The following CNOT10 variants were observed in gnomAD, a reference collection of about 807,000 sequenced individuals.
CNOT10 encodes the protein CCR4-NOT transcription complex, subunit 10.
In CNOT10, 30 loss-of-function variants were observed where a neutral mutation model predicts 94.6. The ratio of observed to expected loss-of-function variants is 0.32; its 90% CI spans 0.24 to 0.43. The LOEUF (loss-of-function observed/expected upper bound fraction) is 0.43. CNOT10 is among the 20% of genes least tolerant of loss of function. The pLI is 1.00. For synonymous variants in CNOT10, 289 were observed against 301.6 expected (o/e 0.96, Z 0.43); for missense variants, 759 against 877.2 (o/e 0.87, Z 1.70).
At chr3:32,725,964 A>T (rs1038160587) in intron 9 of CNOT10, among the ~76,000 whole-genome samples, 68 of 107,936 alleles carry the variant, frequency 6.3e-4, no homozygotes, top group African/African-American at 2.8e-3. Flanking sequence ...TTTTGTTTTG[A>T]GACAGAGTCT....
At chr3:32,773,401 T>C (rs1324285098) in intron 18 of CNOT10, 56 bp from the exon 19 acceptor site, 3 of 1,516,438 alleles carry the variant, frequency 2.0e-6, no homozygotes, top group Non-Finnish European at 2.7e-6. Flanking sequence ...ATGTCTTGCT[T>C]TGTGTGTGGC....
intron 1 of CNOT10, chr3:32,693,376 C>T (rs1559474739): frequency 6.6e-6 from 1 of 151,878 alleles, no homozygotes; most frequent in Non-Finnish European, 1.5e-5. Flanking sequence ...GCCACCACAC[C>T]TGGCCAGTTT....
chr3:32,702,029 A>C (rs1333286170), intron 1 of CNOT10, among the ~76,000 whole-genome samples: 1 of 149,982 alleles, frequency 6.7e-6, no homozygotes, highest in African/African-American at 2.5e-5. Flanking sequence ...CGATCTCCTG[A>C]CCTCGTGATC....
chr3:32,736,345 C>T (rs1350386255), intron 12 of CNOT10, among the ~76,000 whole-genome samples: 1 of 152,154 alleles, frequency 6.6e-6, no homozygotes, highest in Non-Finnish European at 1.5e-5. Flanking sequence ...CCTCGGCCTC[C>T]CAGAGTGCTG....
intron 1 of CNOT10, among the ~76,000 whole-genome samples, chr3:32,697,044 G>A (rs1027413975): frequency 4.0e-5 from 6 of 150,700 alleles, no homozygotes; most frequent in East Asian, 2.0e-4. Flanking sequence ...TCTGCCTTCC[G>A]GGTTCCAGTG....
intron 3 of CNOT10, among the ~76,000 whole-genome samples, chr3:32,708,097 C>T (rs1207402556): frequency 1.3e-5 from 2 of 151,956 alleles, no homozygotes; most frequent in East Asian, 3.9e-4. Context: ...CGGGGTTCAC[C>T]ATGTTGGCTA....
At chr3:32,745,622 C>T (rs546410083) in intron 13 of CNOT10, among the ~76,000 whole-genome samples, 9 of 152,346 alleles carry the variant, frequency 5.9e-5, no homozygotes, top group African/African-American at 2.2e-4. Context: ...AAAACCTAGA[C>T]ATAGCCCAGG....
chr3:32,710,100 T>C (rs1697812255), intron 4 of CNOT10, among the ~76,000 whole-genome samples: 1 of 140,066 alleles, frequency 7.1e-6, no homozygotes, highest in South Asian at 2.2e-4. Context: ...TGAGCCAAGA[T>C]TGCACCACAG....
chr3:32,764,134 A>G (rs1379368173), intron 15 of CNOT10: 7 of 243,116 alleles, frequency 2.9e-5, no homozygotes, highest in Non-Finnish European at 5.4e-5. Context: ...TCTCCAAAAA[A>G]AAAACCAGCC....
At chr3:32,733,151 CTAAA>C (rs531191004) in intron 10 of CNOT10, among the ~76,000 whole-genome samples, 144 of 152,170 alleles carry the variant, frequency 9.5e-4, no homozygotes, top group African/African-American at 3.4e-3. Context: ...GTAAATGATT[CTAAA>C]TAAATTATTG....
At chr3:32,716,048 C>T (rs573681995) in intron 5 of CNOT10, 177 bp from the exon 6 acceptor site, 22 of 438,738 alleles carry the variant, frequency 5.0e-5, no homozygotes, top group East Asian at 3.3e-4. Flanking sequence ...CTCAAGCGAT[C>T]CGCCCGCCTC....
intron 5 of CNOT10, 46 bp from the exon 6 acceptor site, chr3:32,716,179 G>T (rs531583020): frequency 1.9e-6 from 2 of 1,038,920 alleles, no homozygotes; most frequent in East Asian, 2.7e-5. Context: ...TTAAATTATG[G>T]TCAAAAATAT....
At chr3:32,688,924 G>T (rs1559472513) in intron 1 of CNOT10, among the ~76,000 whole-genome samples, 2 of 152,084 alleles carry the variant, frequency 1.3e-5, no homozygotes, top group Non-Finnish European at 2.9e-5. Flanking sequence ...TAAAATAAAA[G>T]GCCGGACGTG....
chr3:32,724,052 G>T (rs1398546351), intron 8 of CNOT10, among the ~76,000 whole-genome samples: 4 of 152,058 alleles, frequency 2.6e-5, no homozygotes, highest in African/African-American at 9.7e-5. Context: ...TGCACTGTAG[G>T]CTGGGCGATG....
At chr3:32,732,752 T>C (rs2125576923) in intron 10 of CNOT10, among the ~76,000 whole-genome samples, 1 of 152,286 alleles carries the variant, frequency 6.6e-6, no homozygotes, top group African/African-American at 2.4e-5. Flanking sequence ...AATTAGAGAC[T>C]TAGAATGAAG....
intron 10 of CNOT10, among the ~76,000 whole-genome samples, chr3:32,732,402 C>A (rs1162383218): frequency 6.6e-6 from 1 of 151,510 alleles, no homozygotes; most frequent in Non-Finnish European, 1.5e-5. Flanking sequence ...TTGGCAAAAC[C>A]CTGTCTCTAA....
At chr3:32,753,511 A>G (rs1700055240) in intron 13 of CNOT10, 1 of 1,569,942 alleles carries the variant, frequency 6.4e-7, no homozygotes, top group African/African-American at 1.4e-5. Context: ...GAGCACATTT[A>G]AAGTAGTTTC....
intron 14 of CNOT10, among the ~76,000 whole-genome samples, chr3:32,760,930 A>G (rs966477705): frequency 1.2e-4 from 18 of 151,796 alleles, no homozygotes; most frequent in African/African-American, 4.4e-4. Context: ...GGAGTTGGAG[A>G]CCAGCCCTGC....
At chr3:32,717,352 C>A in intron 7 of CNOT10, 115 bp downstream of exon 7, 1 of 553,988 alleles carries the variant, frequency 1.8e-6, no homozygotes, top group Non-Finnish European at 3.1e-6. Context: ...CAGATATGAA[C>A]CTTGCTATTT....
Sources: allele counts gnomAD v4.1 joint callset (sites outside exome capture counted in the v4.1 genomes callset), GRCh38; gene constraint gnomAD v4.1.1; transcripts MANE v1.5; gene names NCBI Gene and HGNC (gene_info 2026-07-23, HGNC 2026-07-21).